Variants in GRID2 observed in about 807,000 individuals in gnomAD.
The protein encoded by GRID2 is glutamate ionotropic receptor delta type subunit 2.
Under a neutral mutation model 114.8 loss-of-function variants are expected in GRID2, and 33 were observed. That is an observed-to-expected ratio of 0.29 (90% CI 0.22 to 0.38). The LOEUF (loss-of-function observed/expected upper bound fraction) is 0.38. Ranked by LOEUF, GRID2 falls within the 10% of genes least tolerant of loss-of-function variation. GRID2 has a pLI of 1.00. For synonymous variants in GRID2, 505 were observed against 449.9 expected (o/e 1.12, Z -1.55); for missense variants, 1,184 against 1,257.7 (o/e 0.94, Z 0.89).
chr4:92,999,958 C>T (rs930487496), intron 2 of GRID2, among the ~76,000 whole-genome samples: 2 of 151,544 alleles, frequency 1.3e-5, no homozygotes, highest in Admixed American at 1.3e-4. Flanking sequence ...AATATTCTCC[C>T]AGGTATTCTG....
intron 2 of GRID2, among the ~76,000 whole-genome samples, chr4:92,941,274 A>C (rs1244494969): frequency 6.6e-6 from 1 of 152,122 alleles, no homozygotes; most frequent in Admixed American, 6.5e-5. Context: ...CAGAGATTCA[A>C]CTTCTTCCTG....
chr4:92,402,282 C>G (rs1326870252), intron 1 of GRID2, among the ~76,000 whole-genome samples: 2 of 152,116 alleles, frequency 1.3e-5, no homozygotes, highest in African/African-American at 4.8e-5. Flanking sequence ...CCCTGTTGAT[C>G]TGTGTACTTT....
chr4:93,375,702 ATTTAT>A (rs1364295673), intron 8 of GRID2, among the ~76,000 whole-genome samples: 2 of 152,142 alleles, frequency 1.3e-5, no homozygotes, highest in Non-Finnish European at 2.9e-5. Context: ...TAGAATACCG[ATTTAT>A]TTTTTGTGTG....
chr4:92,855,775 T>C (rs961077697), intron 2 of GRID2, among the ~76,000 whole-genome samples: 1 of 152,018 alleles, frequency 6.6e-6, no homozygotes, highest in Non-Finnish European at 1.5e-5. Context: ...TATTTTTATC[T>C]GGAGGTGAAT....
intron 2 of GRID2, among the ~76,000 whole-genome samples, chr4:92,601,016 C>T (rs72882154): frequency 1.8e-3 from 278 of 152,032 alleles, no homozygotes; most frequent in African/African-American, 6.3e-3. Context: ...AGACCACAGC[C>T]GTCCCTCCCC....
rs192666345 is a variant in GRID2 at position 93,772,622 on chromosome 4, C to A, written c.*124C>A. 1.3e-5 allele frequency: 9 copies of A among 679,794 alleles called. No homozygotes were observed. Among genetic ancestry groups the A allele is most frequent in the Admixed American group, 3.1e-5 (1 of 31,862 alleles). The allele number at this position is 679,794 out of a possible 1,614,324, so 42.1% of individuals were successfully genotyped here. ...AAGATCAGGATTATTAGTAACAATT[C>A]TAGTTTTTTCCTCCCACCTTCTCCC... is the stretch of plus-strand genomic sequence containing the variant. On this transcript the variant is annotated 3_prime_UTR_variant, in exon 16 of 16. Transcript: ENST00000282020.
intron 2 of GRID2, among the ~76,000 whole-genome samples, chr4:92,736,721 A>T (rs1736616173): frequency 6.6e-6 from 1 of 152,098 alleles, no homozygotes; most frequent in Admixed American, 6.6e-5. Context: ...CTATTAACCT[A>T]AACACTGCCC....
intron 2 of GRID2, among the ~76,000 whole-genome samples, chr4:92,708,948 G>A (rs1295742565): frequency 6.6e-6 from 1 of 152,024 alleles, no homozygotes; most frequent in Non-Finnish European, 1.5e-5. Context: ...GAAATATTTT[G>A]TGTATCTGAA....
chr4:93,458,233 T>C (rs1723388447), intron 11 of GRID2, among the ~76,000 whole-genome samples: 1 of 152,180 alleles, frequency 6.6e-6, no homozygotes, highest in Non-Finnish European at 1.5e-5. Context: ...AAGAATCAAA[T>C]GAAATTAAGG....
chr4:92,642,045 AG>A (rs1440267850), intron 2 of GRID2, among the ~76,000 whole-genome samples: 3 of 151,410 alleles, frequency 2.0e-5, no homozygotes, highest in African/African-American at 7.3e-5. Flanking sequence ...ATAGGCGCCT[AG>A]GTTGATTTCA....
chr4:93,204,651 C>T (rs1742489219), intron 4 of GRID2, among the ~76,000 whole-genome samples: 1 of 152,064 alleles, frequency 6.6e-6, no homozygotes. Flanking sequence ...CTTGCTTTTG[C>T]CTAACATACT....
intron 2 of GRID2, among the ~76,000 whole-genome samples, chr4:92,995,972 G>T (rs1220711947): frequency 6.6e-6 from 1 of 151,286 alleles, no homozygotes; most frequent in African/African-American, 2.4e-5. Context: ...TTCTAAACAT[G>T]GTAACATAGA....
intron 14 of GRID2, among the ~76,000 whole-genome samples, chr4:93,724,307 AG>A (rs1468503678): frequency 6.6e-6 from 1 of 152,210 alleles, no homozygotes; most frequent in Non-Finnish European, 1.5e-5. Flanking sequence ...TGCAATGGGA[AG>A]GAAGATAGAC....
chr4:92,422,895 G>A (rs1332102987), intron 1 of GRID2, among the ~76,000 whole-genome samples: 1 of 152,194 alleles, frequency 6.6e-6, no homozygotes, highest in Admixed American at 6.5e-5. Flanking sequence ...TCCCCCCAAA[G>A]TTAGTTCAGC....
chr4:93,215,332 T>A (rs890840538), intron 5 of GRID2, among the ~76,000 whole-genome samples: 1 of 152,056 alleles, frequency 6.6e-6, no homozygotes, highest in Non-Finnish European at 1.5e-5. Flanking sequence ...CATTTGGAAT[T>A]TAAAAAATTG....
chr4:93,246,906 G>C (rs960822327), intron 8 of GRID2, among the ~76,000 whole-genome samples: 1 of 152,122 alleles, frequency 6.6e-6, no homozygotes, highest in Non-Finnish European at 1.5e-5. Flanking sequence ...AATTGTTTCA[G>C]CTTCTTAGGG....
intron 4 of GRID2, among the ~76,000 whole-genome samples, chr4:93,192,112 T>C (rs899494368): frequency 6.6e-6 from 1 of 152,150 alleles, no homozygotes; most frequent in African/African-American, 2.4e-5. Flanking sequence ...ATAACCATGA[T>C]TCTAGAAGAC....
chr4:92,962,102 A>AT (rs1426835489), intron 2 of GRID2, among the ~76,000 whole-genome samples: 1 of 151,972 alleles, frequency 6.6e-6, no homozygotes, highest in African/African-American at 2.4e-5. Context: ...AGTTCTTAGC[A>AT]TATAAACTGT....
chr4:93,290,959 G>C (rs1474549565), intron 8 of GRID2, among the ~76,000 whole-genome samples: 1 of 133,798 alleles, frequency 7.5e-6, no homozygotes, highest in Non-Finnish European at 1.5e-5. Context: ...CTCACTGCAA[G>C]CTCCGCCTCC....
Sources: allele counts gnomAD v4.1 joint callset (sites outside exome capture counted in the v4.1 genomes callset), GRCh38; gene constraint gnomAD v4.1.1; transcripts MANE v1.5; gene names NCBI Gene and HGNC (gene_info 2026-07-23, HGNC 2026-07-21).